The following GRK3 variants were observed in gnomAD, a reference collection of about 807,000 sequenced individuals.
GRK3 encodes the protein G protein-coupled receptor kinase 3.
A neutral mutation model predicts 95.7 loss-of-function variants in GRK3; 54 were observed. The ratio of observed to expected loss-of-function variants is 0.56; its 90% CI spans 0.45 to 0.71. The LOEUF (loss-of-function observed/expected upper bound fraction) is 0.71, where lower values mean the gene tolerates loss of function less well. Ranked by LOEUF, GRK3 falls within the 30% of genes least tolerant of loss-of-function variation. The pLI is 0.00. For missense variants in GRK3, 649 were observed against 851.2 expected (o/e 0.76, Z 2.96); for synonymous variants, 281 against 290.8 (o/e 0.97, Z 0.34).
At chr22:25,606,536 C>A (rs1258717735) in intron 2 of GRK3, among the ~76,000 whole-genome samples, 1 of 152,144 alleles carries the variant, frequency 6.6e-6, no homozygotes, top group Admixed American at 6.5e-5. Flanking sequence ...GTTCCGTTTG[C>A]GCCTTCCATC....
At chr22:25,579,251 C>T (rs1932013982) in intron 1 of GRK3, among the ~76,000 whole-genome samples, 1 of 151,562 alleles carries the variant, frequency 6.6e-6, no homozygotes, top group Non-Finnish European at 1.5e-5. Flanking sequence ...GCTCAACCTC[C>T]TGGGCTCAAC....
intron 1 of GRK3, among the ~76,000 whole-genome samples, chr22:25,602,831 G>A (rs1328702455): frequency 6.6e-6 from 1 of 152,154 alleles, no homozygotes. Flanking sequence ...TTAAAGGGGT[G>A]CTTTTTGGGG....
chr22:25,609,958 C>G (rs1468596099), intron 2 of GRK3, among the ~76,000 whole-genome samples: 1 of 151,036 alleles, frequency 6.6e-6, no homozygotes, highest in Non-Finnish European at 1.5e-5. Flanking sequence ...ATCACATCTC[C>G]TGCCTCAGCC....
chr22:25,589,698 G>A (rs940315600), intron 1 of GRK3, among the ~76,000 whole-genome samples: 6 of 152,080 alleles, frequency 3.9e-5, no homozygotes, highest in African/African-American at 1.2e-4. Context: ...GCCATCACTC[G>A]GCTTTCTCAG....
At chr22:25,649,252 T>C (rs2084810564) in intron 3 of GRK3, 14 of 1,132,816 alleles carry the variant, frequency 1.2e-5, no homozygotes, top group Non-Finnish European at 1.9e-5. Context: ...TAGCCTATTT[T>C]ATATGCTCAC....
intron 2 of GRK3, among the ~76,000 whole-genome samples, chr22:25,624,436 C>T (rs1327972622): frequency 1.3e-5 from 2 of 152,040 alleles, no homozygotes; most frequent in African/African-American, 4.8e-5. Flanking sequence ...TGGTGGCGGG[C>T]ACCTGTAGTC....
At chr22:25,599,461 G>A (rs1220503546) in intron 1 of GRK3, among the ~76,000 whole-genome samples, 1 of 151,626 alleles carries the variant, frequency 6.6e-6, no homozygotes, top group Non-Finnish European at 1.5e-5. Context: ...GCGTGGTGGC[G>A]GGTGCCTATA....
intron 1 of GRK3, chr22:25,580,380 G>A (rs1181885401): frequency 6.6e-6 from 1 of 152,212 alleles, no homozygotes; most frequent in Non-Finnish European, 1.5e-5. Flanking sequence ...TGGAAATGTG[G>A]TTAGAGACTG....
At chr22:25,687,476 C>T (rs969502325) in intron 10 of GRK3, 61 bp from the exon 11 acceptor site, 7 of 1,575,478 alleles carry the variant, frequency 4.4e-6, no homozygotes, top group African/African-American at 2.7e-5. Context: ...TTTAGGATGA[C>T]AATGATATTT....
intron 2 of GRK3, among the ~76,000 whole-genome samples, chr22:25,643,302 G>C (rs897911779): frequency 5.9e-5 from 9 of 152,180 alleles, no homozygotes; most frequent in Non-Finnish European, 1.2e-4. Context: ...GTAAAGTCTG[G>C]CTATGCCTAT....
chr22:25,665,995 T>G (rs924848090), intron 5 of GRK3, among the ~76,000 whole-genome samples: 2 of 152,204 alleles, frequency 1.3e-5, no homozygotes, highest in African/African-American at 4.8e-5. Flanking sequence ...TACCGAATTC[T>G]CACGACAGCC....
At chr22:25,673,846 A>G (rs2085004652) in intron 7 of GRK3, among the ~76,000 whole-genome samples, 1 of 152,042 alleles carries the variant, frequency 6.6e-6, no homozygotes, top group Non-Finnish European at 1.5e-5. Flanking sequence ...CAGCCTCTGT[A>G]TATACTTCAC....
chr22:25,647,694 C>A (rs1394808708), intron 3 of GRK3: 2 of 1,367,642 alleles, frequency 1.5e-6, no homozygotes, highest in Admixed American at 1.7e-5. Context: ...ATATCCTGAG[C>A]AGTTATGTAG....
At chr22:25,661,191 A>G (rs957941031) in intron 3 of GRK3, among the ~76,000 whole-genome samples, 5 of 152,188 alleles carry the variant, frequency 3.3e-5, no homozygotes, top group South Asian at 2.1e-4. Flanking sequence ...AACATTCCCT[A>G]TCCTAACTCC....
At chr22:25,648,516 A>C in intron 3 of GRK3, 1 of 1,454,926 alleles carries the variant, frequency 6.9e-7, no homozygotes. Flanking sequence ...AGTAGCAATC[A>C]AAACACTAAA....
intron 2 of GRK3, among the ~76,000 whole-genome samples, chr22:25,641,356 C>A (rs1263156933): frequency 6.6e-6 from 1 of 152,110 alleles, no homozygotes; most frequent in Non-Finnish European, 1.5e-5. Flanking sequence ...CCTCCCTCTC[C>A]TTGTACCTTT....
chr22:25,575,077 C>T (rs1043728554), intron 1 of GRK3, among the ~76,000 whole-genome samples: 4 of 152,122 alleles, frequency 2.6e-5, no homozygotes, highest in African/African-American at 9.7e-5. Context: ...GTTTTGTGGA[C>T]AGGGATTTAT....
chr22:25,599,962 A>G (rs78040518), intron 1 of GRK3, among the ~76,000 whole-genome samples: 3,446 of 152,282 alleles, frequency 0.023, 60 homozygotes, highest in Middle Eastern at 0.068. Context: ...TAAAAAAGTC[A>G]TACTAAAACA....
At chr22:25,685,362 C>T in intron 10 of GRK3, 114 bp downstream of exon 10, 1 of 813,728 alleles carries the variant, frequency 1.2e-6, no homozygotes, top group Non-Finnish European at 2.1e-6. Context: ...TAATTAGGTT[C>T]CCCCTGAAGT....
Sources: gnomAD v4.1 joint callset for allele counts (sites outside exome capture counted in the v4.1 genomes callset) on GRCh38, gnomAD v4.1.1 for gene constraint, MANE v1.5 for transcripts, NCBI Gene and HGNC (gene_info 2026-07-23, HGNC 2026-07-21) for gene names.